Variants in PPP1R1C observed in about 807,000 individuals in gnomAD.
PPP1R1C encodes protein phosphatase 1 regulatory inhibitor subunit 1C, also known as protein phosphatase 1 regulatory subunit 1C.
In PPP1R1C, 15 loss-of-function variants were observed where a neutral mutation model predicts 17.4. The ratio of observed to expected loss-of-function variants is 0.86; its 90% CI spans 0.58 to 1.33. The LOEUF (loss-of-function observed/expected upper bound fraction) is 1.33. Ranked by LOEUF, PPP1R1C falls within the 40% of genes most tolerant of loss-of-function variation. The pLI, the probability that PPP1R1C is intolerant of heterozygous loss-of-function variation, is 0.00. For missense variants in PPP1R1C, 143 were observed against 130.0 expected (o/e 1.10, Z -0.48); for synonymous variants, 35 against 43.1 (o/e 0.81, Z 0.73).
intron 2 of PPP1R1C, among the ~76,000 whole-genome samples, chr2:182,053,946 A>G (rs552334541): frequency 1.3e-5 from 2 of 151,860 alleles, no homozygotes; most frequent in East Asian, 3.9e-4. Flanking sequence ...ACGCCCGGCT[A>G]ATTTTATATT....
chr2:182,124,051 C>T (rs563420898), intron 5 of PPP1R1C, among the ~76,000 whole-genome samples: 4 of 152,264 alleles, frequency 2.6e-5, no homozygotes, highest in East Asian at 1.9e-4. Context: ...GGAAGGGGTC[C>T]AGTTTCAGCT....
chr2:182,130,971 A>G (rs543000968), downstream of PPP1R1C: 1 of 152,322 alleles, frequency 6.6e-6, no homozygotes, highest in East Asian at 1.9e-4. Context: ...AATATATAGG[A>G]AGGAGTTAAT....
intron 2 of PPP1R1C, among the ~76,000 whole-genome samples, chr2:182,016,654 G>A (rs1310646652): frequency 6.6e-6 from 1 of 152,076 alleles, no homozygotes; most frequent in Non-Finnish European, 1.5e-5. Context: ...TATACAAGTA[G>A]TTATGCATAT....
In PPP1R1C at chr2:182,096,406, C is replaced by T. The variant is rs141302795; in HGVS notation, c.242-20801C>T. On this transcript the variant is annotated intron_variant, in intron 4 of 4. Coordinates refer to ENST00000682840, the MANE Select transcript of PPP1R1C (RefSeq NM_001080545.3). ...ACCTTGCTTCTGTGGATTTCTGATT[C>T]GTTAAGGTGCCATCTTTTGGGGTAT... 6.9e-3 allele frequency among the ~76,000 whole-genome samples: 1,052 copies of T among 152,226 alleles called. 9 individuals carry two copies. The highest frequency in any genetic ancestry group is 0.027 in the Middle Eastern group (8 of 294).
In PPP1R1C at chr2:182,104,136, ATGT is replaced by A. The variant is rs551874334; in HGVS notation, c.242-13067_242-13065del. Among the ~76,000 whole-genome samples, 582 of 152,314 alleles carry A rather than the reference ATGT, an allele frequency of 3.8e-3. 13 individuals are homozygous for A. Among genetic ancestry groups the A allele is most frequent in the Admixed American group, 0.032 (495 of 15,302 alleles). On this transcript the variant is annotated intron_variant, in intron 4 of 4. Transcript: ENST00000682840. The stretch of plus-strand genomic sequence containing the variant: ...ATTTGAGGATCAATTATATAAGATC[ATGT>A]TGTCTGCAAACAAGGGCAATTTAAC...
rs1431678003 is a variant in PPP1R1C at position 182,117,296 on chromosome 2, T to C, written c.*1T>C. The C allele has an allele frequency of 6.5e-7, 1 of 1,548,740 alleles. No homozygotes were observed. The highest frequency in any genetic ancestry group is 1.4e-5 in the African/African-American group (1 of 72,760). On this transcript the variant is annotated 3_prime_UTR_variant, in exon 5 of 5. Coordinates refer to ENST00000682840, the MANE Select transcript of PPP1R1C (RefSeq NM_001080545.3). ...AAGAGAGGAGCAGCGGGACCATTAA[T>C]TACTGGTCTGCAGCAAGAAGGCTTC...
At chr2:181,964,320 G>T (rs1684867965) in intron 1 of PPP1R1C, among the ~76,000 whole-genome samples, 1 of 152,136 alleles carries the variant, frequency 6.6e-6, no homozygotes, top group South Asian at 2.1e-4. Context: ...TTGCTGAATA[G>T]TGCTCCAAAG....
intron 5 of PPP1R1C, among the ~76,000 whole-genome samples, chr2:182,124,407 AAGT>A (rs1194442458): frequency 2.2e-5 from 3 of 134,188 alleles, no homozygotes; most frequent in Non-Finnish European, 4.6e-5. Context: ...ATCAAGTTTA[AAGT>A]AGTTTTTTTC....
chr2:181,962,090 A>G lies in PPP1R1C; in HGVS notation n.111+7456A>G, dbSNP rs1330418629. ...AACCCTCAGGTCCTCGATGGTCTTG[A>G]GGTAATGACTCCAGTCTCTGACCTG... On this transcript the variant is annotated intron_variant and non_coding_transcript_variant, in intron 1 of 5. Transcript: ENST00000464264. This position sits in a 1 kb window ranked among gnomAD's most constrained non-coding sequence, Gnocchi z 6.0. The G allele has an allele frequency of 8.3e-6, 6 of 721,520 alleles. No homozygotes were observed. The highest frequency in any genetic ancestry group is 1.5e-5 in the Non-Finnish European group (6 of 390,822). The allele number at this position is 721,520 out of a possible 1,614,324, so 44.7% of individuals were successfully genotyped here. A position where few individuals can be genotyped will look rare whatever the true frequency, so the allele number is the denominator to read the frequency against.
At chr2:182,086,684 G>A (rs979213305) in intron 4 of PPP1R1C, among the ~76,000 whole-genome samples, 2 of 152,146 alleles carry the variant, frequency 1.3e-5, no homozygotes, top group Non-Finnish European at 2.9e-5. Context: ...ATGAGAGACT[G>A]TTTTACACCA....
intron 4 of PPP1R1C, among the ~76,000 whole-genome samples, chr2:182,094,013 T>G (rs1394146047): frequency 6.6e-6 from 1 of 152,212 alleles, no homozygotes; most frequent in African/African-American, 2.4e-5. Context: ...TTTATTGTAT[T>G]AGTCCATTTT....
intron 2 of PPP1R1C, among the ~76,000 whole-genome samples, chr2:182,020,410 T>C (rs887410456): frequency 6.6e-6 from 1 of 152,214 alleles, no homozygotes; most frequent in Non-Finnish European, 1.5e-5. Context: ...TCCCTCTGTC[T>C]TTTTGAGAGC....
At chr2:181,971,861 A>G (rs760834061) in intron 1 of PPP1R1C, among the ~76,000 whole-genome samples, 1 of 152,110 alleles carries the variant, frequency 6.6e-6, no homozygotes, top group Non-Finnish European at 1.5e-5. Flanking sequence ...CTGAGTTCCA[A>G]TGCAGTCCCA....
At chr2:182,081,627 T>A (rs949852941) in intron 4 of PPP1R1C, among the ~76,000 whole-genome samples, 4 of 152,214 alleles carry the variant, frequency 2.6e-5, no homozygotes, top group African/African-American at 9.6e-5. Context: ...CTATCAGAGT[T>A]AACTTACAAA....
At position 181,993,901 on chromosome 2, in the gene PPP1R1C, A is replaced by G. The variant is rs570682911; in HGVS notation, c.142+6002A>G. 9.9e-5 allele frequency among the ~76,000 whole-genome samples: 15 copies of G among 151,154 alleles called. No homozygotes were observed. In the South Asian group the frequency reaches 1.7e-3, roughly 17 times the overall value. On this transcript the variant is annotated intron_variant, in intron 2 of 4. Coordinates refer to ENST00000682840, the MANE Select transcript of PPP1R1C (RefSeq NM_001080545.3). ...ACTTGTCCAATCTTCAAAATAAATGAAAAAAAAATGAAAGGGACCTGCATT... is the reference window on the plus strand; with the variant it reads ...ACTTGTCCAATCTTCAAAATAAATGGAAAAAAAATGAAAGGGACCTGCATT...
intron 2 of PPP1R1C, among the ~76,000 whole-genome samples, chr2:182,050,457 T>C (rs1181846064): frequency 2.6e-5 from 4 of 152,194 alleles, no homozygotes; most frequent in African/African-American, 7.2e-5. Context: ...AGTTTGGTCT[T>C]TTGGATACAA....
intron 2 of PPP1R1C, among the ~76,000 whole-genome samples, chr2:182,012,968 A>G (rs1233975575): frequency 6.6e-6 from 1 of 151,986 alleles, no homozygotes; most frequent in Non-Finnish European, 1.5e-5. Flanking sequence ...TTTATGTGCT[A>G]TTGTACTTTC....
chr2:182,051,672 C>A (rs1231971222), intron 2 of PPP1R1C, among the ~76,000 whole-genome samples: 1 of 152,168 alleles, frequency 6.6e-6, no homozygotes, highest in African/African-American at 2.4e-5. Flanking sequence ...GACAACACTT[C>A]TTAATCATAA....
chr2:182,003,766 TA>T (rs1462671633), intron 2 of PPP1R1C, among the ~76,000 whole-genome samples: 2 of 151,552 alleles, frequency 1.3e-5, no homozygotes, highest in East Asian at 3.9e-4. Context: ...ATTTAATTAT[TA>T]AAAAAAAGGA....
Sources: allele counts gnomAD v4.1 joint callset (sites outside exome capture counted in the v4.1 genomes callset), GRCh38; gene constraint gnomAD v4.1.1; non-coding constraint Gnocchi (gnomAD v3.1); transcripts MANE v1.5; gene names NCBI Gene and HGNC (gene_info 2026-07-23, HGNC 2026-07-21).